The following JMJD1C variants were observed in gnomAD, a reference collection of about 807,000 sequenced individuals.
JMJD1C encodes jumonji domain-containing protein 1C.
JMJD1C carries 31 observed loss-of-function variants against 245.3 expected under a neutral mutation model. The ratio of observed to expected loss-of-function variants is 0.13; its 90% confidence interval spans 0.09 to 0.17. JMJD1C has a LOEUF of 0.17. Ranked by LOEUF, JMJD1C falls within the 10% of genes least tolerant of loss-of-function variation. The pLI, the probability that JMJD1C is intolerant of heterozygous loss-of-function variation, is 1.00. For synonymous variants in JMJD1C, 1,057 were observed against 1,017.4 expected (o/e 1.04, Z -0.74); for missense variants, 2,691 against 3,000.2 (o/e 0.90, Z 2.41).
At chr10:63,352,652 A>G (rs999160208) in intron 2 of JMJD1C, among the ~76,000 whole-genome samples, 8 of 152,050 alleles carry the variant, frequency 5.3e-5, no homozygotes, top group Non-Finnish European at 1.2e-4. Flanking sequence ...AAAAAAAAAA[A>G]AAAAAAATTT....
chr10:63,424,834 A>AT (rs1950349624), intron 1 of JMJD1C, among the ~76,000 whole-genome samples: 1 of 152,160 alleles, frequency 6.6e-6, no homozygotes, highest in South Asian at 2.1e-4. Flanking sequence ...GTGATGATAC[A>AT]TTTGGGGTAT....
intron 2 of JMJD1C, among the ~76,000 whole-genome samples, chr10:63,301,500 TAAGATA>T (rs1860071644): frequency 6.6e-6 from 1 of 152,214 alleles, no homozygotes. Flanking sequence ...CATGCACACT[TAAGATA>T]TAGTTCACAA....
In JMJD1C at chr10:63,168,024, A is replaced by AAATATC. The variant is rs765201182; in HGVS notation, c.*15_*20dup. The AAATATC allele has an allele frequency of 7.1e-7, 1 of 1,402,558 alleles. No homozygotes were observed. The allele number at this position is 1,402,558 out of a possible 1,614,324, so 86.9% of individuals were successfully genotyped here. The stretch of plus-strand genomic sequence containing the variant: ...AAGTAATCCCAGTTCAACAACCTAA[A>AAATATC]AATATCAAACTGGATCACACTTAAT... On this transcript the variant is annotated 3_prime_UTR_variant, in exon 26 of 26. Transcript: ENST00000399262.
rs1339762933 is a variant in JMJD1C, at chr10:63,213,645, G to A, written c.2522C>T (p.Ser841Leu). ...QQQQQLLQHQ[S>L]PHLLGQAHPS... ...ATGGGCTTGTCCAAGAAGATGAGGT[G>A]ACTGGTGCTGTAACAACTGTTGTTG... The change falls in exon 8 of 26, where the codon TCA becomes TTA. Residue 841 changes from serine (S) to leucine (L), a missense_variant. Ser to Leu is a moderately radical substitution (Grantham distance 145). Coordinates refer to ENST00000399262, the MANE Select transcript of JMJD1C (RefSeq NM_032776.3). 1.2e-6 allele frequency: 2 copies of A among 1,614,092 alleles called. No individual in the cohort carries two copies. Among genetic ancestry groups the A allele is most frequent in the Admixed American group, 1.7e-5 (1 of 60,010 alleles).
chr10:63,502,695 C>T (rs1589834402), intron 1 of JMJD1C, among the ~76,000 whole-genome samples: 2 of 151,398 alleles, frequency 1.3e-5, no homozygotes, highest in East Asian at 1.9e-4. Flanking sequence ...CTCCTTCCAC[C>T]CACAACTGCC....
At chr10:63,388,947 T>A (rs1211512339) in intron 1 of JMJD1C, among the ~76,000 whole-genome samples, 1 of 152,092 alleles carries the variant, frequency 6.6e-6, no homozygotes, top group Non-Finnish European at 1.5e-5. Flanking sequence ...TAAAAGAGAT[T>A]GATTCATCAA....
At chr10:63,253,584 C>T (rs1015565361) in intron 3 of JMJD1C, among the ~76,000 whole-genome samples, 8 of 152,080 alleles carry the variant, frequency 5.3e-5, no homozygotes, top group African/African-American at 1.7e-4. Context: ...TGGGGTTTCA[C>T]CATGTTGGCT....
At chr10:63,235,348 T>A (rs893894855) in intron 3 of JMJD1C, among the ~76,000 whole-genome samples, 1 of 151,956 alleles carries the variant, frequency 6.6e-6, no homozygotes, top group East Asian at 1.9e-4. Context: ...ATACAAAAAA[T>A]TAGCTGGGTG....
intron 1 of JMJD1C, among the ~76,000 whole-genome samples, chr10:63,418,006 G>A (rs7909269): frequency 0.42 from 63,420 of 151,810 alleles, 13,985 homozygotes; most frequent in South Asian, 0.53. Flanking sequence ...CATTGAGACT[G>A]CATTAAATAT....
intron 22 of JMJD1C, among the ~76,000 whole-genome samples, chr10:63,182,867 T>C (rs1843656376): frequency 7.0e-6 from 1 of 143,352 alleles, no homozygotes; most frequent in Non-Finnish European, 1.6e-5. Context: ...TGTTCATTTT[T>C]TGGTTTTTTT....
chr10:63,498,854 C>T (rs938834868), intron 1 of JMJD1C, among the ~76,000 whole-genome samples: 21 of 152,108 alleles, frequency 1.4e-4, no homozygotes, highest in Non-Finnish European at 2.4e-4. Context: ...TGAATCTTTA[C>T]GTCCATTGAG....
At chr10:63,329,111 G>A (rs1313903861) in intron 2 of JMJD1C, among the ~76,000 whole-genome samples, 1 of 151,662 alleles carries the variant, frequency 6.6e-6, no homozygotes, top group African/African-American at 2.4e-5. Flanking sequence ...GTAAAACCCC[G>A]TTTCTACAAA....
At chr10:63,272,050 G>A (rs970946586) in intron 2 of JMJD1C, among the ~76,000 whole-genome samples, 1 of 149,248 alleles carries the variant, frequency 6.7e-6, no homozygotes, top group Non-Finnish European at 1.5e-5. Flanking sequence ...TCTGGCCTGG[G>A]AGACAGAGCA....
At chr10:63,378,397 C>T (rs1267739456) in intron 2 of JMJD1C, among the ~76,000 whole-genome samples, 1 of 152,054 alleles carries the variant, frequency 6.6e-6, no homozygotes, top group Non-Finnish European at 1.5e-5. Flanking sequence ...CGAGACCATC[C>T]TGGCTAACAC....
chr10:63,167,949 G>T lies in JMJD1C; in HGVS notation c.*96C>A. Reference sequence around the variant, plus strand: ...ACAAAGAGAATTTCTTGGCACTGATGGTTTTATGAAGCTTAAAGTCAGTGT... The same window carrying T: ...ACAAAGAGAATTTCTTGGCACTGATTGTTTTATGAAGCTTAAAGTCAGTGT... On this transcript the variant is annotated 3_prime_UTR_variant, in exon 26 of 26. Transcript: ENST00000399262. The T allele has an allele frequency of 1.3e-6, 1 of 753,596 alleles. No individual in the cohort carries two copies. 46.7% of individuals were successfully genotyped at this position (753,596 alleles called of 1,614,324 possible).
intron 2 of JMJD1C, among the ~76,000 whole-genome samples, chr10:63,349,559 C>T (rs1019759208): frequency 6.6e-6 from 1 of 152,128 alleles, no homozygotes. Flanking sequence ...TATCTCAAGG[C>T]CTCATGTAAA....
Position 63,324,684 on chromosome 10 carries a change from G to T in JMJD1C, c.333+55634C>A, listed in dbSNP as rs138317922. On this transcript the variant is annotated intron_variant, in intron 2 of 25. Transcript: ENST00000399262. ...CTACCTATAGAGCTCATAATCCTGT[G>T]TGAGTGTAGAAATGGCAATAAACAA... Among the ~76,000 whole-genome samples the T allele has an allele frequency of 1.9e-3, 295 of 152,330 alleles. 1 individual carries two copies. Among genetic ancestry groups the T allele is most frequent in the Non-Finnish European group, 3.6e-3 (242 of 68,030 alleles).
intron 12 of JMJD1C, 130 bp from the exon 13 acceptor site, chr10:63,197,693 C>T (rs1254615354): frequency 1.5e-6 from 1 of 665,484 alleles, no homozygotes; most frequent in African/African-American, 1.9e-5. Flanking sequence ...TAACTGAAGA[C>T]CAATAGCTTT....
intron 2 of JMJD1C, among the ~76,000 whole-genome samples, chr10:63,268,232 C>CAAAAA (rs5785564): frequency 7.7e-6 from 1 of 130,220 alleles, no homozygotes; most frequent in Non-Finnish European, 1.6e-5. Flanking sequence ...TTTAGTCTAC[C>CAAAAA]AAAAAAAAAA....
Sources: gnomAD v4.1 joint callset for allele counts (sites outside exome capture counted in the v4.1 genomes callset) on GRCh38, gnomAD v4.1.1 for gene constraint, MANE v1.5 for transcripts, NCBI Gene and HGNC (gene_info 2026-07-23, HGNC 2026-07-21) for gene names.